Variants in STK3 observed in about 807,000 individuals in gnomAD.
The protein encoded by STK3 is serine/threonine-protein kinase 3.
In STK3, 41 loss-of-function variants were observed where a neutral mutation model predicts 58.0. That is an observed-to-expected ratio of 0.71 (90% confidence interval 0.55 to 0.92). The LOEUF (loss-of-function observed/expected upper bound fraction) is 0.92. Among genes scored for constraint, STK3 ranks in the 40% least tolerant of loss-of-function variants. STK3 has a pLI of 0.00. For missense variants in STK3, 479 were observed against 602.7 expected, an observed-to-expected ratio of 0.79 and a Z score of 2.15; for synonymous variants, 170 against 191.0, an observed-to-expected ratio of 0.89 and a Z score of 0.91.
At chr8:98,611,609 C>G (rs559413398) in intron 6 of STK3, among the ~76,000 whole-genome samples, 8 of 152,220 alleles carry the variant, frequency 5.3e-5, no homozygotes, top group African/African-American at 1.9e-4. Flanking sequence ...ATATTAGTTT[C>G]TAACTCCAAA....
At chr8:98,827,944 AC>A (rs1224804641), upstream of STK3, among the ~76,000 whole-genome samples, 3 of 147,052 alleles carry the variant, frequency 2.0e-5, no homozygotes, top group Non-Finnish European at 4.5e-5. Flanking sequence ...CTCCACTCTA[AC>A]CCCCCCAACT....
chr8:98,538,304 T>C (rs1288158559), intron 9 of STK3, among the ~76,000 whole-genome samples: 1 of 152,144 alleles, frequency 6.6e-6, no homozygotes, highest in Non-Finnish European at 1.5e-5. Flanking sequence ...CTGACATCAG[T>C]TTTTTCCTGA....
At chr8:98,501,639 T>C (rs998478991) in intron 10 of STK3, among the ~76,000 whole-genome samples, 4 of 152,126 alleles carry the variant, frequency 2.6e-5, no homozygotes, top group African/African-American at 4.8e-5. Context: ...CCAGTTTTCC[T>C]AGCACCATTT....
chr8:98,508,555 T>A (rs138638949), intron 10 of STK3, among the ~76,000 whole-genome samples: 26 of 152,288 alleles, frequency 1.7e-4, no homozygotes, highest in African/African-American at 5.3e-4. Flanking sequence ...TGAAATGGAT[T>A]ATAGTGCCAG....
chr8:98,757,395 A>T (rs1027235783), intron 3 of STK3, among the ~76,000 whole-genome samples: 1 of 150,170 alleles, frequency 6.7e-6, no homozygotes, highest in African/African-American at 2.4e-5. Context: ...GGAGTTCGAG[A>T]CCAGCCTGAC....
At chr8:98,674,342 A>G (rs763603139) in intron 6 of STK3, among the ~76,000 whole-genome samples, 19 of 152,168 alleles carry the variant, frequency 1.2e-4, no homozygotes, top group African/African-American at 3.1e-4. Flanking sequence ...ACTCATACAC[A>G]TATTTATAAA....
intron 1 of STK3, among the ~76,000 whole-genome samples, chr8:98,811,290 T>C (rs571830515): frequency 6.6e-6 from 1 of 152,322 alleles, no homozygotes; most frequent in South Asian, 2.1e-4. Context: ...AATCTCTTTT[T>C]CTCTTCTGGC....
At chr8:98,581,496 C>G (rs551750755) in intron 7 of STK3, among the ~76,000 whole-genome samples, 3 of 151,902 alleles carry the variant, frequency 2.0e-5, no homozygotes, top group Admixed American at 2.0e-4. Context: ...CTGAGAAGGA[C>G]TGGACAGCCT....
rs889699665 is a variant in STK3, at chr8:98,517,470, C to T, written c.1317+9272G>A. On this transcript the variant is annotated intron_variant, in intron 10 of 10. Coordinates refer to ENST00000419617, the MANE Select transcript of STK3 (RefSeq NM_006281.4). ...CAAGTAGGCCAACAAATATGATAGG[C>T]CCCCAAACAATGATGTGCATACTTC... Among the ~76,000 whole-genome samples the T allele has an allele frequency of 5.9e-5, 9 of 151,868 alleles. 1 individual carries two copies. Among genetic ancestry groups the T allele is most frequent in the Admixed American group, 5.9e-4 (9 of 15,220 alleles).
chr8:98,737,245 C>T (rs6468642), intron 4 of STK3, among the ~76,000 whole-genome samples: 70 of 152,188 alleles, frequency 4.6e-4, no homozygotes, highest in African/African-American at 1.5e-3. Flanking sequence ...AAAGTCAATT[C>T]AAGGGCTCTA....
At chr8:98,502,669 T>C (rs1823706347) in intron 10 of STK3, among the ~76,000 whole-genome samples, 1 of 152,168 alleles carries the variant, frequency 6.6e-6, no homozygotes. Context: ...AATCATGTGG[T>C]TTTTGTCATT....
chr8:98,652,336 A>G (rs1479366319), intron 6 of STK3, among the ~76,000 whole-genome samples: 1 of 152,218 alleles, frequency 6.6e-6, no homozygotes, highest in East Asian at 1.9e-4. Context: ...AGGAAGCACT[A>G]AACATGGAAA....
chr8:98,423,088 C>T (rs1818191292), intron 3 of STK3, among the ~76,000 whole-genome samples: 1 of 152,238 alleles, frequency 6.6e-6, no homozygotes, highest in African/African-American at 2.4e-5. Flanking sequence ...CCTCCCCATC[C>T]AGTTCCCTTC....
At chr8:98,867,665 C>T (rs1837194889) in intron 3 of STK3, among the ~76,000 whole-genome samples, 1 of 152,176 alleles carries the variant, frequency 6.6e-6, no homozygotes, top group African/African-American at 2.4e-5. Context: ...TGAGCACAGT[C>T]TCTGGAGCTA....
At chr8:98,897,615 A>AC (rs1476529927) in intron 1 of STK3, among the ~76,000 whole-genome samples, 13 of 152,242 alleles carry the variant, frequency 8.5e-5, no homozygotes, top group Admixed American at 2.0e-4. Flanking sequence ...AAACAAACAA[A>AC]AAAAAAGTCT....
At chr8:98,872,528 G>T (rs1464372174) in intron 3 of STK3, among the ~76,000 whole-genome samples, 1 of 152,152 alleles carries the variant, frequency 6.6e-6, no homozygotes, top group African/African-American at 2.4e-5. Flanking sequence ...CCTGTTATTT[G>T]TCTATTCAAG....
chr8:98,383,481 G>A (rs1817759592), intron 1 of STK3, among the ~76,000 whole-genome samples: 1 of 152,226 alleles, frequency 6.6e-6, no homozygotes, highest in African/African-American at 2.4e-5. Context: ...CCTTCGAGCT[G>A]ATTTTGCCTC....
intron 8 of STK3, among the ~76,000 whole-genome samples, chr8:98,557,542 T>C (rs529888437): frequency 6.6e-6 from 1 of 151,972 alleles, no homozygotes; most frequent in East Asian, 1.9e-4. Context: ...GAGCTAAAAA[T>C]TACTGAGAAA....
At chr8:98,759,647 A>G (rs1038233123) in intron 3 of STK3, among the ~76,000 whole-genome samples, 10 of 152,240 alleles carry the variant, frequency 6.6e-5, no homozygotes, top group African/African-American at 2.4e-4. Flanking sequence ...AATTAAAAAA[A>G]AAAAATGCAG....
Sources: allele counts gnomAD v4.1 joint callset (sites outside exome capture counted in the v4.1 genomes callset), GRCh38; gene constraint gnomAD v4.1.1; transcripts MANE v1.5; gene names NCBI Gene and HGNC (gene_info 2026-07-23, HGNC 2026-07-21).